The following ACO2 variants were observed in gnomAD, a reference collection of about 807,000 sequenced individuals.
ACO2 encodes the protein aconitase 2.
Under a neutral mutation model 84.5 loss-of-function variants are expected in ACO2, and 31 were observed. The ratio of observed to expected loss-of-function variants is 0.37; its 90% CI spans 0.28 to 0.50. The LOEUF (loss-of-function observed/expected upper bound fraction) is 0.50. ACO2 is among the 20% of genes least tolerant of loss of function. The probability of loss-of-function intolerance (pLI) is 0.97; values close to 1 mark genes in which losing one functional copy is unlikely to be tolerated. For missense variants in ACO2, 685 were observed against 1,029.3 expected, an observed-to-expected ratio of 0.67 and a Z score of 4.58; for synonymous variants, 414 against 412.7, an observed-to-expected ratio of 1.00 and a Z score of -0.04.
intron 1 of ACO2, among the ~76,000 whole-genome samples, chr22:41,484,962 C>G (rs564340016): frequency 7.3e-5 from 11 of 150,596 alleles, no homozygotes; most frequent in African/African-American, 2.4e-4. Flanking sequence ...GCAACCTCCA[C>G]TTCCCGGGTT....
Position 41,515,656 on chromosome 22 carries a change from G to C in ACO2, c.685-111G>C. ...AAGTTAGACTCGAATCTTCTGGGAGGGAGGTAGAGACCAATAAGCAGCAAT... is the reference window on the plus strand; with the variant it reads ...AAGTTAGACTCGAATCTTCTGGGAGCGAGGTAGAGACCAATAAGCAGCAAT... On this transcript the variant is annotated intron_variant, in intron 5 of 17. Coordinates refer to ENST00000216254, the MANE Select transcript of ACO2 (RefSeq NM_001098.3). This position sits in a 1 kb window ranked among gnomAD's most constrained non-coding sequence, Gnocchi z 5.8. 1 of 1,591,262 alleles carries C rather than the reference G, an allele frequency of 6.3e-7. No individual in the cohort carries two copies. Among genetic ancestry groups the C allele is most frequent in the Admixed American group, 1.7e-5 (1 of 59,320 alleles).
At position 41,527,365 on chromosome 22, in the gene ACO2, G is replaced by A. The variant is rs1452903926; in HGVS notation, c.2031G>A (p.Glu677=). 1 of 1,614,012 alleles carries A rather than the reference G, an allele frequency of 6.2e-7. No individual in the cohort carries two copies. Among genetic ancestry groups the A allele is most frequent in the Non-Finnish European group, 8.5e-7 (1 of 1,180,002 alleles). Reference sequence around the variant, plus strand: ...CGAGCCGGGAGCATGCAGCTCTGGAGCCTCGCCACCTTGGGGGCCGGGCCA... The same window carrying A: ...CGAGCCGGGAGCATGCAGCTCTGGAACCTCGCCACCTTGGGGGCCGGGCCA... ...EGSSREHAAL[E]PRHLGGRAII... The change falls in exon 16 of 18, where the codon GAG becomes GAA. Residue 677 remains glutamate, a synonymous_variant. Coordinates refer to ENST00000216254, the MANE Select transcript of ACO2 (RefSeq NM_001098.3).
intron 4 of ACO2, among the ~76,000 whole-genome samples, chr22:41,513,607 A>G (rs1191679331): frequency 6.5e-5 from 4 of 61,178 alleles, no homozygotes; most frequent in Admixed American, 2.0e-4. Flanking sequence ...ATCTCTTCAC[A>G]TTATGTTCCA....
chr22:41,512,037 G>C (rs2066437164), intron 4 of ACO2, 69 bp downstream of exon 4: 2 of 1,251,458 alleles, frequency 1.6e-6, no homozygotes, highest in African/African-American at 3.1e-5. Flanking sequence ...CCTATGGGGG[G>C]AGGGGGTTTG....
At chr22:41,513,368 C>A (rs2066450831) in intron 4 of ACO2, among the ~76,000 whole-genome samples, 1 of 152,070 alleles carries the variant, frequency 6.6e-6, no homozygotes, top group South Asian at 2.1e-4. Flanking sequence ...TGCCCAGGGG[C>A]CATGGGAGTA....
chr22:41,510,446 GCCATTCTCTTA>G (rs1237684772), intron 3 of ACO2, among the ~76,000 whole-genome samples: 1 of 152,210 alleles, frequency 6.6e-6, no homozygotes, highest in East Asian at 1.9e-4. Flanking sequence ...CACGTTCTTT[GCCATTCTCTTA>G]CCTGGGGGAA....
chr22:41,492,001 CAGA>C (rs2066274817), intron 1 of ACO2, among the ~76,000 whole-genome samples: 1 of 152,152 alleles, frequency 6.6e-6, no homozygotes, highest in Admixed American at 6.6e-5. Context: ...TGATCCATCA[CAGA>C]AGGAGAGACC....
At chr22:41,508,986 T>TC (rs1461671735) in intron 3 of ACO2, among the ~76,000 whole-genome samples, 3 of 152,098 alleles carry the variant, frequency 2.0e-5, no homozygotes, top group Non-Finnish European at 4.4e-5. Flanking sequence ...GACCCTCTCT[T>TC]CCACCCTGGC....
At chr22:41,528,417 C>G (rs2066649469) in intron 17 of ACO2, 62 bp from the exon 18 acceptor site, 2 of 1,585,244 alleles carry the variant, frequency 1.3e-6, no homozygotes, top group Admixed American at 3.5e-5. Flanking sequence ...CCCTGACCCC[C>G]CTGCGGGGCC....
At chr22:41,473,388 C>T (rs977542765) in intron 1 of ACO2, among the ~76,000 whole-genome samples, 1 of 152,146 alleles carries the variant, frequency 6.6e-6, no homozygotes, top group Non-Finnish European at 1.5e-5. Flanking sequence ...CCTGTAATCC[C>T]AGCCACTCGG....
chr22:41,504,580 C>T (rs1199942390), intron 2 of ACO2, among the ~76,000 whole-genome samples: 5 of 152,142 alleles, frequency 3.3e-5, no homozygotes, highest in South Asian at 2.1e-4. Context: ...AGTCATTGCC[C>T]GTACACCAGC....
At chr22:41,490,284 C>T (rs1327651186) in intron 1 of ACO2, among the ~76,000 whole-genome samples, 1 of 152,150 alleles carries the variant, frequency 6.6e-6, no homozygotes, top group Non-Finnish European at 1.5e-5. Flanking sequence ...CGAGACTGCG[C>T]CACTGCACTC....
At chr22:41,490,884 G>T (rs938637911) in intron 1 of ACO2, among the ~76,000 whole-genome samples, 4 of 151,870 alleles carry the variant, frequency 2.6e-5, no homozygotes, top group African/African-American at 7.3e-5. Flanking sequence ...TGTGTATCGG[G>T]CTTGCTTTTC....
At chr22:41,521,615 G>A (rs753511501) in intron 9 of ACO2, 1 of 152,130 alleles carries the variant, frequency 6.6e-6, no homozygotes, top group Non-Finnish European at 1.5e-5. Context: ...TTTCTATACC[G>A]TCTGGCCGAA....
chr22:41,476,678 C>G (rs1226850156), intron 1 of ACO2, among the ~76,000 whole-genome samples: 3 of 152,034 alleles, frequency 2.0e-5, no homozygotes, highest in Non-Finnish European at 4.4e-5. Context: ...CCACTGTACT[C>G]CAGCTTGGGC....
At chr22:41,527,754 G>C in intron 16 of ACO2, 147 bp from the exon 17 acceptor site, 1 of 1,347,800 alleles carries the variant, frequency 7.4e-7, no homozygotes, top group Non-Finnish European at 1.0e-6. Context: ...TAGTGAAAGG[G>C]AGCAGACCAG....
rs544866229 is a variant in ACO2, at chr22:41,490,543, C to T, written c.37-9183C>T. Among the ~76,000 whole-genome samples, 46 of 152,282 alleles carry T rather than the reference C, an allele frequency of 3.0e-4. No individual in the cohort carries two copies. The South Asian group carries it at 3.1e-3, about 10-fold the overall frequency. ...AATTGGGTTGTTCTCTTAAAAACAG[C>T]GCCGCGGACAGTACCTTTGCCTGTC... On this transcript the variant is annotated intron_variant, in intron 1 of 17. Coordinates refer to ENST00000216254, the MANE Select transcript of ACO2 (RefSeq NM_001098.3).
At chr22:41,488,528 A>G (rs1426000166) in intron 1 of ACO2, among the ~76,000 whole-genome samples, 1 of 152,306 alleles carries the variant, frequency 6.6e-6, no homozygotes, top group East Asian at 1.9e-4. Flanking sequence ...TTTATAGAAG[A>G]AAGAGTAAGC....
At chr22:41,484,814 G>C (rs1300884597) in intron 1 of ACO2, among the ~76,000 whole-genome samples, 3 of 151,086 alleles carry the variant, frequency 2.0e-5, no homozygotes, top group Non-Finnish European at 4.4e-5. Flanking sequence ...GGAAATTGGG[G>C]TGAAATGTGC....
Sources: allele counts gnomAD v4.1 joint callset (sites outside exome capture counted in the v4.1 genomes callset), GRCh38; gene constraint gnomAD v4.1.1; non-coding constraint Gnocchi (gnomAD v3.1); transcripts MANE v1.5; gene names NCBI Gene and HGNC (gene_info 2026-07-23, HGNC 2026-07-21).